C17orf113: variants seen among roughly 807,000 people sequenced by gnomAD.
C17orf113 encodes the protein chromosome 17 open reading frame 113, also known as uncharacterized protein C17orf113.
Under a neutral mutation model 11.6 loss-of-function variants are expected in C17orf113, and 5 were observed. The ratio of observed to expected loss-of-function variants is 0.43; its 90% CI spans 0.23 to 0.91. The LOEUF is 0.91. Among genes scored for constraint, C17orf113 ranks in the 40% least tolerant of loss-of-function variants. The pLI, the probability that C17orf113 is intolerant of heterozygous loss-of-function variation, is 0.26. For missense variants in C17orf113, 714 were observed against 841.3 expected, an observed-to-expected ratio of 0.85 and a Z score of 1.87; for synonymous variants, 327 against 390.6, an observed-to-expected ratio of 0.84 and a Z score of 1.92.
chr17:42,047,916 G>A (rs1273838883), intron 1 of C17orf113, among the ~76,000 whole-genome samples: 1 of 152,102 alleles, frequency 6.6e-6, no homozygotes, highest in Non-Finnish European at 1.5e-5. Context: ...GCCTCCCAAA[G>A]TGCTGGGATT....
intron 2 of C17orf113, among the ~76,000 whole-genome samples, chr17:42,041,788 C>G (rs2053028603): frequency 6.6e-6 from 1 of 152,106 alleles, no homozygotes; most frequent in South Asian, 2.1e-4. Context: ...CCAACCCAGC[C>G]CATAGGACTT....
Position 42,043,231 on chromosome 17 carries a change from C to A in C17orf113, c.146G>T (p.Arg49Leu). ...ERKLMFCLEC[R>L]QALVRNKHGK... ...ATGCTTGTTCCGTACCAGGGCCTGG[C>A]GGCACTCGAGGCAGAACATCAGCTT... Residue 49 changes from arginine (R) to leucine (L), a missense_variant, in exon 2 of 3, where the codon CGC becomes CTC. Physicochemically the swap from Arg to Leu is moderately radical, Grantham distance 102. This residue lies in a region of C17orf113 where 516 missense variants were observed against 626.6 expected (regional missense o/e 0.82). Transcript: ENST00000587304. 4 of 1,232,252 alleles carry A rather than the reference C, an allele frequency of 3.2e-6. No homozygotes were observed. The highest frequency in any genetic ancestry group is 4.0e-6 in the Non-Finnish European group (4 of 988,014). The allele number at this position is 1,232,252 out of a possible 1,614,324, so 76.3% of individuals were successfully genotyped here.
chr17:42,048,260 G>A (rs1555656812), intron 1 of C17orf113, among the ~76,000 whole-genome samples: 3 of 151,894 alleles, frequency 2.0e-5, no homozygotes, highest in African/African-American at 7.3e-5. Context: ...ATTCTTGGCT[G>A]GATGTGGTGG....
At position 42,040,355 on chromosome 17, in the gene C17orf113, T is replaced by C; in HGVS notation, c.1378A>G (p.Met460Val). 1 of 1,231,796 alleles carries C rather than the reference T, an allele frequency of 8.1e-7. No homozygotes were observed. Among genetic ancestry groups the C allele is most frequent in the Non-Finnish European group, 1.0e-6 (1 of 987,886 alleles). 76.3% of individuals were successfully genotyped at this position (1,231,796 alleles called of 1,614,324 possible). ...LQGFLQELAS[M>V]DPDASSGRCT... ...CGTCCGCTGCTGGCGTCAGGGTCCA[T>C]GGATGCCAGTTCCTGCAGGAAGCCC... Residue 460 changes from methionine (M) to valine (V), a missense_variant, in exon 3 of 3, where the codon ATG becomes GTG. Physicochemically the swap from Met to Val is conservative, Grantham distance 21 (BLOSUM62 1). Transcript: ENST00000587304.
rs2052972455 is a variant in C17orf113 at position 42,040,001 on chromosome 17, C to A, written c.1732G>T (p.Ala578Ser). The A allele has an allele frequency of 2.4e-6, 3 of 1,231,042 alleles. No individual in the cohort carries two copies. The highest frequency in any genetic ancestry group is 3.0e-6 in the Non-Finnish European group (3 of 987,464). The allele number at this position is 1,231,042 out of a possible 1,614,324, so 76.3% of individuals were successfully genotyped here. Residue 578 changes from alanine to serine, a missense_variant, in exon 3 of 3, where the codon GCC (alanine) becomes TCC (serine). Ala to Ser is a moderately conservative substitution (Grantham distance 99). Around this residue, in one of 3 missense-constraint regions of C17orf113, gnomAD observed 194 missense variants for 197.2 expected, o/e 0.98. Coordinates refer to ENST00000587304, the MANE Select transcript of C17orf113 (RefSeq NM_001358661.2). The part of the protein sequence containing the change: ...VFGLGRLGPR[A>S]LCTQLACAHS... ...GCGCACGCCAGCTGGGTGCACAGGG[C>A]CCGCGGGCCGAGCCGCCCAAGGCCG...
rs1457418718 is a variant in C17orf113, at chr17:42,038,818, C to T, written c.*887G>A. On this transcript the variant is annotated 3_prime_UTR_variant, in exon 3 of 3. Transcript: ENST00000587304. ...GGTGAGGAGGGAAGGAAGGGAACCA[C>T]TATCTCTCTGGAACCATTGGCCCTT... The T allele has an allele frequency of 6.6e-6, 1 of 152,242 alleles. No homozygotes were observed. The highest frequency in any genetic ancestry group is 1.5e-5 in the Non-Finnish European group (1 of 68,060). The allele number at this position is 152,242 out of a possible 1,614,324, so 9.4% of individuals were successfully genotyped here.
At position 42,040,000 on chromosome 17, in the gene C17orf113, G is replaced by C. The variant is rs1162543909; in HGVS notation, c.1733C>G (p.Ala578Gly). ...CGCGCACGCCAGCTGGGTGCACAGG[G>C]CCCGCGGGCCGAGCCGCCCAAGGCC... ...VFGLGRLGPRALCTQLACAHS... is the reference protein window; with the variant it reads ...VFGLGRLGPRGLCTQLACAHS... Residue 578 changes from alanine (A) to glycine (G), a missense_variant, in exon 3 of 3, where the codon GCC (alanine) becomes GGC (glycine). By Grantham distance (60) the Ala-to-Gly change is moderately conservative. Around this residue, in one of 3 missense-constraint regions of C17orf113, gnomAD observed 194 missense variants for 197.2 expected, o/e 0.98. Transcript: ENST00000587304. 3 of 1,231,042 alleles carry C rather than the reference G, an allele frequency of 2.4e-6. No individual in the cohort carries two copies. The Admixed American group carries it at 1.3e-4, about 52-fold the overall frequency. The allele number at this position is 1,231,042 out of a possible 1,614,324, so 76.3% of individuals were successfully genotyped here. A position where few individuals can be genotyped will look rare whatever the true frequency, so the allele number is the denominator to read the frequency against.
intron 2 of C17orf113, among the ~76,000 whole-genome samples, chr17:42,041,628 C>T (rs563439155): frequency 1.3e-5 from 2 of 152,242 alleles, no homozygotes; most frequent in East Asian, 3.9e-4. Context: ...CTAGTCTGCC[C>T]TATTCCTGGG....
rs563676213 is a variant in C17orf113 at position 42,039,597 on chromosome 17, G to C, written c.*108C>G. The C allele has an allele frequency of 9.5e-7, 1 of 1,055,448 alleles. No homozygotes were observed. Among genetic ancestry groups the C allele is most frequent in the South Asian group, 4.9e-5 (1 of 20,242 alleles). 65.4% of individuals were successfully genotyped at this position (1,055,448 alleles called of 1,614,324 possible). ...GCGGGTGGATGGCCTCAGGCCCCTG[G>C]GAGGCTGCAGTCAGCAGATCATCTT... On this transcript the variant is annotated 3_prime_UTR_variant, in exon 3 of 3. Coordinates refer to ENST00000587304, the MANE Select transcript of C17orf113 (RefSeq NM_001358661.2).
At position 42,043,512 on chromosome 17, in the gene C17orf113, G is replaced by A. The variant is rs2053078428; in HGVS notation, c.-136C>T. ...CTGGGGGCAGCCCGCCAGGCTAACA[G>A]GGCCCATCCATCTAAGCCTGGAGAG... On this transcript the variant is annotated 5_prime_UTR_variant, in exon 2 of 3. Coordinates refer to ENST00000587304, the MANE Select transcript of C17orf113 (RefSeq NM_001358661.2). 1.6e-6 allele frequency: 1 copy of A among 644,634 alleles called. No individual in the cohort carries two copies. The highest frequency in any genetic ancestry group is 1.9e-5 in the African/African-American group (1 of 53,076). 39.9% of individuals were successfully genotyped at this position (644,634 alleles called of 1,614,324 possible). A position where few individuals can be genotyped will look rare whatever the true frequency, so the allele number is the denominator to read the frequency against.
At position 42,039,945 on chromosome 17, in the gene C17orf113, G is replaced by A; in HGVS notation, c.1788C>T (p.Asp596=). ...AAGCCAAGGCGGCTAGGGCGGCGAAGTCGGGGAAGAGCTCGTGCAGCTCCG... is the reference window on the plus strand; with the variant it reads ...AAGCCAAGGCGGCTAGGGCGGCGAAATCGGGGAAGAGCTCGTGCAGCTCCG... ...AHSELHELFP[D]FAALAALALA... The change falls in exon 3 of 3, where the codon GAC becomes GAT. Residue 596 remains aspartate (D), a synonymous_variant. Coordinates refer to ENST00000587304, the MANE Select transcript of C17orf113 (RefSeq NM_001358661.2). 8.1e-7 allele frequency: 1 copy of A among 1,231,192 alleles called. No individual in the cohort carries two copies. Among genetic ancestry groups the A allele is most frequent in the South Asian group, 4.1e-5 (1 of 24,320 alleles). The allele number at this position is 1,231,192 out of a possible 1,614,324, so 76.3% of individuals were successfully genotyped here.
In C17orf113 at chr17:42,040,011, G is replaced by C; in HGVS notation, c.1722C>G (p.Leu574=). 8.1e-7 allele frequency: 1 copy of C among 1,231,052 alleles called. No homozygotes were observed. Among genetic ancestry groups the C allele is most frequent in the Non-Finnish European group, 1.0e-6 (1 of 987,474 alleles). The allele number at this position is 1,231,052 out of a possible 1,614,324, so 76.3% of individuals were successfully genotyped here. A position where few individuals can be genotyped will look rare whatever the true frequency, so the allele number is the denominator to read the frequency against. The change falls in exon 3 of 3, where the codon CTC becomes CTG. Residue 574 remains leucine, a synonymous_variant. Transcript: ENST00000587304. ...FKRVVFGLGR[L]GPRALCTQLA... ...GCTGGGTGCACAGGGCCCGCGGGCCGAGCCGCCCAAGGCCGAATACTACGC... is the reference window on the plus strand; with the variant it reads ...GCTGGGTGCACAGGGCCCGCGGGCCCAGCCGCCCAAGGCCGAATACTACGC...
chr17:42,039,443 T>C lies in C17orf113; in HGVS notation c.*262A>G. Reference sequence around the variant, plus strand: ...GTGAGCTACTCCTCATCTAACTGTGTAAAGGCCAGGAATGATTTAGGGTAC... The same window carrying C: ...GTGAGCTACTCCTCATCTAACTGTGCAAAGGCCAGGAATGATTTAGGGTAC... On this transcript the variant is annotated 3_prime_UTR_variant, in exon 3 of 3. Coordinates refer to ENST00000587304, the MANE Select transcript of C17orf113 (RefSeq NM_001358661.2). 2.8e-6 allele frequency: 1 copy of C among 359,584 alleles called. No individual in the cohort carries two copies. The highest frequency in any genetic ancestry group is 5.0e-6 in the Non-Finnish European group (1 of 201,762). The allele number at this position is 359,584 out of a possible 1,614,324, so 22.3% of individuals were successfully genotyped here. A position where few individuals can be genotyped will look rare whatever the true frequency, so the allele number is the denominator to read the frequency against.
chr17:42,041,473 G>A (rs1389248110), intron 2 of C17orf113, among the ~76,000 whole-genome samples: 1 of 152,092 alleles, frequency 6.6e-6, no homozygotes, highest in Non-Finnish European at 1.5e-5. Context: ...TCTTATACCT[G>A]CTGTCAGCTA....
chr17:42,047,689 T>C (rs1393866536), intron 1 of C17orf113, among the ~76,000 whole-genome samples: 5 of 151,986 alleles, frequency 3.3e-5, no homozygotes, highest in Non-Finnish European at 7.4e-5. Flanking sequence ...AGTCTTGCTC[T>C]GTTGCCCAGT....
Position 42,040,746 on chromosome 17 carries a change from G to C in C17orf113, c.987C>G (p.Ser329=). The part of the protein sequence containing the change: ...ALFRLHGGPS[S]HLVPELRAAL... ...CTGCCCGGAGCTCAGGGACCAAGTG[G>C]GAACTAGGGCCACCATGGAGGCGGA... Residue 329 remains serine (S), a synonymous_variant, in exon 3 of 3, where the codon TCC becomes TCG. Transcript: ENST00000587304. The C allele has an allele frequency of 8.1e-7, 1 of 1,232,328 alleles. No individual in the cohort carries two copies. The allele number at this position is 1,232,328 out of a possible 1,614,324, so 76.3% of individuals were successfully genotyped here.
At position 42,039,874 on chromosome 17, in the gene C17orf113, C is replaced by T. The variant is rs569328299; in HGVS notation, c.1859G>A (p.Ser620Asn). Residue 620 changes from serine (S) to asparagine (N), a missense_variant, in exon 3 of 3, where the codon AGC (serine) becomes AAC (asparagine). Ser to Asn is a conservative substitution (Grantham distance 46). This residue lies in a region of C17orf113 where 194 missense variants were observed against 197.2 expected (regional missense o/e 0.98). Transcript: ENST00000587304. ...GAGLLDKVGR[S>N]RELRWWGQSG... Reference sequence around the variant, plus strand: ...CTGCCCCCACCACCGCAGCTCCCGGCTGCGGCCGACCTTGTCCAGCAGGCC... The same window carrying T: ...CTGCCCCCACCACCGCAGCTCCCGGTTGCGGCCGACCTTGTCCAGCAGGCC... 9.7e-4 allele frequency: 1,200 copies of T among 1,231,410 alleles called. 11 individuals are homozygous for T. In the African/African-American group the frequency reaches 0.017, roughly 18 times the overall value. The allele number at this position is 1,231,410 out of a possible 1,614,324, so 76.3% of individuals were successfully genotyped here.
Position 42,043,197 on chromosome 17 carries a change from G to A in C17orf113, c.180C>T (p.Ala60=), listed in dbSNP as rs1400322305. ...QALVRNKHGK[A]ENAFTVGTDN... ...CTGTGCCCACAGTGAAGGCGTTTTC[G>A]GCTTTGCCATGCTTGTTCCGTACCA... The change falls in exon 2 of 3, where the codon GCC becomes GCT. Residue 60 remains alanine (A), a synonymous_variant. Coordinates refer to ENST00000587304, the MANE Select transcript of C17orf113 (RefSeq NM_001358661.2). 4.1e-6 allele frequency: 5 copies of A among 1,232,110 alleles called. No homozygotes were observed. Among genetic ancestry groups the A allele is most frequent in the Middle Eastern group, 3.1e-4 (1 of 3,230 alleles). 76.3% of individuals were successfully genotyped at this position (1,232,110 alleles called of 1,614,324 possible).
Position 42,050,285 on chromosome 17 carries a change from C to T in C17orf113, c.-188+272G>A, listed in dbSNP as rs1555656991. ...TCCTGGGGGCCCCTTGCTTTGGGAC[C>T]CCACTAAGAGAAGTCCAGCACTCAG... On this transcript the variant is annotated intron_variant, in intron 1 of 2. Coordinates refer to ENST00000587304, the MANE Select transcript of C17orf113 (RefSeq NM_001358661.2). This position sits in a 1 kb window ranked among gnomAD's most constrained non-coding sequence, Gnocchi z 5.6. Among the ~76,000 whole-genome samples, 1 of 152,218 alleles carries T rather than the reference C, an allele frequency of 6.6e-6. No homozygotes were observed. Among genetic ancestry groups the T allele is most frequent in the Non-Finnish European group, 1.5e-5 (1 of 68,018 alleles).
Sources: allele counts gnomAD v4.1 joint callset (sites outside exome capture counted in the v4.1 genomes callset), GRCh38; gene constraint gnomAD v4.1.1; regional missense constraint gnomAD v4.1.1; non-coding constraint Gnocchi (gnomAD v3.1); transcripts MANE v1.5; gene names NCBI Gene and HGNC (gene_info 2026-07-23, HGNC 2026-07-21).